The following RELN variants were observed in gnomAD, a reference collection of about 807,000 sequenced individuals.
RELN encodes reelin.
Under a neutral mutation model 427.6 loss-of-function variants are expected in RELN, and 108 were observed. The observed-to-expected ratio is 0.25, with a 90% CI of 0.22 to 0.30. RELN has a LOEUF of 0.30. Among genes scored for constraint, RELN ranks in the 10% least tolerant of loss-of-function variants. The pLI is 1.00. For missense variants in RELN, 3,715 were observed against 4,302.8 expected (o/e 0.86, Z 3.82); for synonymous variants, 1,524 against 1,513.4 (o/e 1.01, Z -0.16).
intron 6 of RELN, among the ~76,000 whole-genome samples, chr7:103,734,531 A>C (rs921492894): frequency 1.3e-5 from 2 of 152,182 alleles, no homozygotes; most frequent in African/African-American, 2.4e-5. Context: ...CAATCCTCAA[A>C]AACCATTGAA....
chr7:103,880,437 G>T (rs561785100), intron 2 of RELN, among the ~76,000 whole-genome samples: 68 of 152,124 alleles, frequency 4.5e-4, no homozygotes, highest in African/African-American at 1.5e-3. Flanking sequence ...AAACTAAGGC[G>T]CCAATAATTA....
chr7:103,817,396 T>A (rs1306214197), intron 3 of RELN, among the ~76,000 whole-genome samples: 1 of 152,202 alleles, frequency 6.6e-6, no homozygotes, highest in Non-Finnish European at 1.5e-5. Context: ...TCTAAATATG[T>A]GGCCAGGCCC....
rs776804213 is a variant in RELN, at chr7:103,698,042, G to A, written c.954C>T (p.Asp318=). 1.1e-5 allele frequency: 17 copies of A among 1,613,670 alleles called. No homozygotes were observed. Among genetic ancestry groups the A allele is most frequent in the South Asian group, 5.5e-5 (5 of 91,082 alleles). ...TIIHILYLPE[D]AKGENVQFQW... ...GAAATTGGACATTCTCCCCTTTGGC[G>A]TCCTCAGGAAGGTAGAGGATATGGA... The change falls in exon 10 of 65, where the codon GAC becomes GAT. Residue 318 remains aspartate, a synonymous_variant. Coordinates refer to ENST00000428762, the MANE Select transcript of RELN (RefSeq NM_005045.4).
intron 46 of RELN, among the ~76,000 whole-genome samples, chr7:103,526,415 G>C (rs985061783): frequency 6.6e-6 from 1 of 152,162 alleles, no homozygotes; most frequent in Non-Finnish European, 1.5e-5. Flanking sequence ...GCACTAGTAG[G>C]TTCTATGTCC....
At chr7:103,577,300 CT>C (rs975265877) in intron 28 of RELN, among the ~76,000 whole-genome samples, 11 of 152,088 alleles carry the variant, frequency 7.2e-5, no homozygotes, top group Admixed American at 1.3e-4. Context: ...ATAACCTTGG[CT>C]TTTTTCCCCC....
intron 2 of RELN, among the ~76,000 whole-genome samples, chr7:103,848,981 C>T (rs1209428946): frequency 6.6e-6 from 1 of 152,140 alleles, no homozygotes; most frequent in Non-Finnish European, 1.5e-5. Context: ...CAAAAGTTCC[C>T]CATACCCTAC....
intron 42 of RELN, among the ~76,000 whole-genome samples, chr7:103,544,324 C>T (rs922961866): frequency 7.3e-6 from 1 of 137,480 alleles, no homozygotes; most frequent in East Asian, 2.3e-4. Flanking sequence ...CTGCAAACTC[C>T]GCCTCTCAGG....
chr7:103,904,974 CCTTTT>C (rs1171961060), intron 2 of RELN, among the ~76,000 whole-genome samples: 1 of 98,226 alleles, frequency 1.0e-5, no homozygotes, highest in Non-Finnish European at 1.9e-5. Context: ...GAAGTTCTTT[CCTTTT>C]TTTTTTTTTT....
At position 103,796,733 on chromosome 7, in the gene RELN, T is replaced by C. The variant is rs550458745; in HGVS notation, c.474-20106A>G. Among the ~76,000 whole-genome samples the C allele has an allele frequency of 6.6e-5, 10 of 152,070 alleles. No homozygotes were observed. In the South Asian group the frequency reaches 1.9e-3, roughly 28 times the overall value. On this transcript the variant is annotated intron_variant, in intron 3 of 64. Coordinates refer to ENST00000428762, the MANE Select transcript of RELN (RefSeq NM_005045.4). ...AAAATTAGGCAGGCGTGGTGGCACATGCCTGTAATCCTAGCTACTCGGGAG... is the reference window on the plus strand; with the variant it reads ...AAAATTAGGCAGGCGTGGTGGCACACGCCTGTAATCCTAGCTACTCGGGAG...
chr7:103,858,450 T>C (rs908427500), intron 2 of RELN, among the ~76,000 whole-genome samples: 10 of 152,278 alleles, frequency 6.6e-5, no homozygotes, highest in African/African-American at 2.2e-4. Flanking sequence ...TTATAAAATT[T>C]GAGTAACCAA....
chr7:103,678,874 G>T (rs1584401071), intron 11 of RELN, among the ~76,000 whole-genome samples: 1 of 152,194 alleles, frequency 6.6e-6, no homozygotes, highest in African/African-American at 2.4e-5. Context: ...TTTAGCAGAT[G>T]AGCTTACCAT....
At chr7:103,773,067 A>G (rs1165725877) in intron 4 of RELN, among the ~76,000 whole-genome samples, 2 of 151,942 alleles carry the variant, frequency 1.3e-5, no homozygotes, top group Non-Finnish European at 2.9e-5. Context: ...TGGATCAGCG[A>G]GAATGGGAAG....
chr7:103,749,910 G>A (rs916202828), intron 5 of RELN, among the ~76,000 whole-genome samples: 1 of 152,188 alleles, frequency 6.6e-6, no homozygotes, highest in Non-Finnish European at 1.5e-5. Flanking sequence ...GACGGTGGGA[G>A]GTAATTGAAT....
intron 1 of RELN, among the ~76,000 whole-genome samples, chr7:103,945,846 T>C (rs117485559): frequency 1.2e-3 from 176 of 152,268 alleles, no homozygotes; most frequent in Non-Finnish European, 2.2e-3. Context: ...TACCATTGCC[T>C]CTGGTATTCA....
intron 3 of RELN, among the ~76,000 whole-genome samples, chr7:103,809,483 A>G (rs1438936332): frequency 6.6e-6 from 1 of 152,138 alleles, no homozygotes; most frequent in Non-Finnish European, 1.5e-5. Context: ...TTTATTCAAG[A>G]GGTTTAGACT....
At chr7:103,867,157 G>A (rs1399428311) in intron 2 of RELN, among the ~76,000 whole-genome samples, 1 of 152,040 alleles carries the variant, frequency 6.6e-6, no homozygotes, top group East Asian at 1.9e-4. Context: ...ATATTTACCT[G>A]AAGCAATTTA....
chr7:103,777,277 A>T (rs1052916505), intron 3 of RELN, among the ~76,000 whole-genome samples: 1 of 152,220 alleles, frequency 6.6e-6, no homozygotes, highest in Admixed American at 6.5e-5. Context: ...TATAATAAAA[A>T]AAGTCTTATT....
At chr7:103,929,020 G>A (rs11760725) in intron 1 of RELN, among the ~76,000 whole-genome samples, 37,516 of 152,126 alleles carry the variant, frequency 0.25, 5,667 homozygotes, top group Non-Finnish European at 0.34. Context: ...GTGAAGAGAT[G>A]AGGTTAAGTC....
chr7:103,576,048 C>T (rs537723990), intron 28 of RELN, among the ~76,000 whole-genome samples: 2 of 152,140 alleles, frequency 1.3e-5, no homozygotes, highest in East Asian at 1.9e-4. Flanking sequence ...CTGGCTAACA[C>T]GGTGAAACCC....
Sources: gnomAD v4.1 joint callset for allele counts (sites outside exome capture counted in the v4.1 genomes callset) on GRCh38, gnomAD v4.1.1 for gene constraint, MANE v1.5 for transcripts, NCBI Gene and HGNC (gene_info 2026-07-23, HGNC 2026-07-21) for gene names.